The following ROBO1 variants were observed in gnomAD, a reference collection of about 807,000 sequenced individuals.
The protein encoded by ROBO1 is roundabout homolog 1.
A neutral mutation model predicts 195.9 loss-of-function variants in ROBO1; 149 were observed. The observed-to-expected ratio is 0.76, with a 90% confidence interval of 0.67 to 0.87. The LOEUF (loss-of-function observed/expected upper bound fraction) is 0.87, where lower values mean the gene tolerates loss of function less well. ROBO1 is among the 40% of genes least tolerant of loss of function. The pLI is 0.00. For missense variants in ROBO1, 1,933 were observed against 2,068.3 expected, an observed-to-expected ratio of 0.93 and a Z score of 1.27; for synonymous variants, 816 against 733.2, an observed-to-expected ratio of 1.11 and a Z score of -1.82.
intron 2 of ROBO1, among the ~76,000 whole-genome samples, chr3:79,239,617 A>G (rs531555448): frequency 2.0e-5 from 3 of 152,320 alleles, no homozygotes; most frequent in African/African-American, 7.2e-5. Flanking sequence ...CGGACTAACC[A>G]TCTATCTGAT....
intron 2 of ROBO1, among the ~76,000 whole-genome samples, chr3:79,442,529 C>T (rs1035949734): frequency 3.3e-5 from 5 of 152,092 alleles, no homozygotes; most frequent in Non-Finnish European, 7.4e-5. Context: ...GTGGTCCCGT[C>T]TGAATCCCTT....
chr3:79,072,811 C>T (rs1237909596), intron 3 of ROBO1, among the ~76,000 whole-genome samples: 1 of 151,856 alleles, frequency 6.6e-6, no homozygotes, highest in Non-Finnish European at 1.5e-5. Flanking sequence ...TTAATTTTCT[C>T]TCCCAAAAAA....
chr3:78,975,303 T>C (rs1011163803), intron 3 of ROBO1, among the ~76,000 whole-genome samples: 1 of 152,192 alleles, frequency 6.6e-6, no homozygotes, highest in Non-Finnish European at 1.5e-5. Context: ...ATGTGAAAGA[T>C]TATCTCCTAT....
rs11451206 is a variant in ROBO1, at chr3:79,760,236, CAAAAAAAAAAAAAA to C, written c.-51+7502_-51+7515del. On this transcript the variant is annotated intron_variant, in intron 1 of 30. Coordinates refer to ENST00000464233, the MANE Select transcript of ROBO1 (RefSeq NM_002941.4). ...TGGGTGAGACAGTGAGACCCTATCT[CAAAAAAAAAAAAAA>C]AAAAAAAAAAAAAAAAAAAAAGCAC... Among the ~76,000 whole-genome samples, 7 of 4,514 alleles carry C rather than the reference CAAAAAAAAAAAAAA, an allele frequency of 1.6e-3. No individual in the cohort carries two copies. In the East Asian group the frequency reaches 0.033, roughly 21 times the overall value. 3.0% of individuals were successfully genotyped at this position (4,514 alleles called of 152,430 possible).
At chr3:79,429,424 C>T (rs756792021) in intron 2 of ROBO1, among the ~76,000 whole-genome samples, 4 of 152,060 alleles carry the variant, frequency 2.6e-5, no homozygotes, top group Non-Finnish European at 5.9e-5. Context: ...CAAAGTCTGA[C>T]CCTCTCTCAC....
chr3:79,564,658 C>T (rs1464233227), intron 2 of ROBO1, among the ~76,000 whole-genome samples: 2 of 151,902 alleles, frequency 1.3e-5, no homozygotes, highest in Non-Finnish European at 2.9e-5. Context: ...CTTGATTTTG[C>T]AAGAAAGTTT....
intron 1 of ROBO1, among the ~76,000 whole-genome samples, chr3:79,720,823 C>T (rs1188566128): frequency 2.0e-5 from 3 of 147,940 alleles, no homozygotes; most frequent in Admixed American, 1.4e-4. Context: ...GATGGAGTCT[C>T]GCGCTGTTGC....
chr3:78,613,810 T>C (rs1703951579), intron 28 of ROBO1, among the ~76,000 whole-genome samples: 1 of 152,202 alleles, frequency 6.6e-6, no homozygotes, highest in Non-Finnish European at 1.5e-5. Flanking sequence ...GATGCCCTTT[T>C]TGAAAAATTG....
intron 5 of ROBO1, among the ~76,000 whole-genome samples, chr3:78,723,593 C>A (rs2082093234): frequency 6.6e-6 from 1 of 152,076 alleles, no homozygotes; most frequent in Non-Finnish European, 1.5e-5. Context: ...AATCACCCTT[C>A]CTCTCCCCGG....
At chr3:79,183,009 A>C (rs900339975) in intron 2 of ROBO1, among the ~76,000 whole-genome samples, 10 of 149,398 alleles carry the variant, frequency 6.7e-5, no homozygotes, top group Admixed American at 1.3e-4. Flanking sequence ...TGAACCCAGG[A>C]CGCGGAGTTT....
At chr3:79,656,530 T>C (rs906141324) in intron 1 of ROBO1, among the ~76,000 whole-genome samples, 10 of 152,004 alleles carry the variant, frequency 6.6e-5, no homozygotes, top group Non-Finnish European at 1.5e-4. Flanking sequence ...ATCAATTATC[T>C]ATCTATCTAT....
chr3:79,482,690 T>A (rs1938926362), intron 2 of ROBO1, among the ~76,000 whole-genome samples: 1 of 152,158 alleles, frequency 6.6e-6, no homozygotes, highest in Admixed American at 6.5e-5. Flanking sequence ...AGCTGCTAAG[T>A]AAGACAGTAT....
chr3:78,748,232 G>A (rs973039309), intron 4 of ROBO1, among the ~76,000 whole-genome samples: 3 of 152,142 alleles, frequency 2.0e-5, no homozygotes, highest in Non-Finnish European at 4.4e-5. Flanking sequence ...GATTACCTGA[G>A]GTCAGGAGTT....
At chr3:78,861,535 T>C (rs191892094) in intron 4 of ROBO1, among the ~76,000 whole-genome samples, 1 of 152,298 alleles carries the variant, frequency 6.6e-6, no homozygotes, top group Admixed American at 6.5e-5. Context: ...GTTATACAAA[T>C]TCCCATTTTC....
At position 78,872,729 on chromosome 3, in the gene ROBO1, G is replaced by A. The variant is rs114409368; in HGVS notation, c.499+65872C>T. 3.8e-3 allele frequency among the ~76,000 whole-genome samples: 576 copies of A among 152,240 alleles called. 4 individuals carry two copies. Among genetic ancestry groups the A allele is most frequent in the African/African-American group, 0.012 (511 of 41,560 alleles). ...TGAGTTTTCAGGTTGTAACACTCAC[G>A]TTATCAGTAAGCTCCCTGGACAAAT... On this transcript the variant is annotated intron_variant, in intron 4 of 30. Coordinates refer to ENST00000464233, the MANE Select transcript of ROBO1 (RefSeq NM_002941.4).
chr3:78,706,318 C>CA (rs1420574518), intron 8 of ROBO1, among the ~76,000 whole-genome samples: 12 of 151,062 alleles, frequency 7.9e-5, no homozygotes, highest in African/African-American at 2.9e-4. Context: ...GGTGTATACA[C>CA]AAAAGAAATA....
intron 1 of ROBO1, among the ~76,000 whole-genome samples, chr3:79,639,537 G>C (rs779139313): frequency 3.9e-5 from 6 of 152,044 alleles, no homozygotes; most frequent in Admixed American, 3.9e-4. Flanking sequence ...TCTTTAATTT[G>C]CACTACCAGG....
rs181734021 is a variant in ROBO1, at chr3:78,935,020, T to A, written c.499+3581A>T. ...ACCCACATGAGGAAAACTGTATAAT[T>A]TGAATTCTAAGTCACTTTAAGAAGC... On this transcript the variant is annotated intron_variant, in intron 4 of 30. Transcript: ENST00000464233. 1.2e-3 allele frequency among the ~76,000 whole-genome samples: 176 copies of A among 152,138 alleles called. 1 individual carries two copies. Among genetic ancestry groups the A allele is most frequent in the Non-Finnish European group, 2.1e-3 (144 of 67,898 alleles).
At chr3:79,055,140 G>A (rs2078780392) in intron 3 of ROBO1, among the ~76,000 whole-genome samples, 1 of 152,128 alleles carries the variant, frequency 6.6e-6, no homozygotes, top group Admixed American at 6.6e-5. Flanking sequence ...CTCTGCTAAA[G>A]GAATCACCAT....
Sources: gnomAD v4.1 joint callset for allele counts (sites outside exome capture counted in the v4.1 genomes callset) on GRCh38, gnomAD v4.1.1 for gene constraint, MANE v1.5 for transcripts, NCBI Gene and HGNC (gene_info 2026-07-23, HGNC 2026-07-21) for gene names.